CUX1: variants seen among roughly 807,000 people sequenced by gnomAD.
CUX1 encodes protein CASP.
Under a neutral mutation model 158.8 loss-of-function variants are expected in CUX1, and 31 were observed. The ratio of observed to expected loss-of-function variants is 0.20; its 90% CI spans 0.15 to 0.26. The LOEUF (loss-of-function observed/expected upper bound fraction) is 0.26, where lower values mean the gene tolerates loss of function less well. Ranked by LOEUF, CUX1 falls within the 10% of genes least tolerant of loss-of-function variation. The probability of loss-of-function intolerance (pLI) is 1.00; values close to 1 mark genes in which losing one functional copy is unlikely to be tolerated. For missense variants in CUX1, 1,589 were observed against 2,014.6 expected, an observed-to-expected ratio of 0.79 and a Z score of 4.04; for synonymous variants, 879 against 862.1, an observed-to-expected ratio of 1.02 and a Z score of -0.34.
chr7:102,074,920 G>A (rs1428037030), intron 4 of CUX1, among the ~76,000 whole-genome samples: 1 of 152,186 alleles, frequency 6.6e-6, no homozygotes, highest in African/African-American at 2.4e-5. Flanking sequence ...GTGCAATGGT[G>A]TGATCTCCGC....
chr7:101,929,650 G>A (rs1477056173), intron 2 of CUX1, among the ~76,000 whole-genome samples: 1 of 152,120 alleles, frequency 6.6e-6, no homozygotes, highest in Non-Finnish European at 1.5e-5. Context: ...TAGGAGTCAG[G>A]CATTATGCTA....
intron 4 of CUX1, among the ~76,000 whole-genome samples, chr7:102,078,958 C>G (rs2130714507): frequency 6.6e-6 from 1 of 152,336 alleles, no homozygotes; most frequent in Non-Finnish European, 1.5e-5. Flanking sequence ...GGAATGTCAT[C>G]ATTTTTGAGA....
intron 2 of CUX1, among the ~76,000 whole-genome samples, chr7:101,956,502 G>T (rs899913755): frequency 6.6e-6 from 1 of 152,146 alleles, no homozygotes; most frequent in Non-Finnish European, 1.5e-5. Flanking sequence ...TGGAGTCAAC[G>T]TTTCCTTCAG....
chr7:101,954,080 A>C (rs775226918), intron 2 of CUX1, among the ~76,000 whole-genome samples: 4 of 152,162 alleles, frequency 2.6e-5, no homozygotes, highest in Non-Finnish European at 5.9e-5. Context: ...AGTCCCAGCT[A>C]CTCAGGAGGC....
At chr7:102,059,006 G>C (rs1824467396) in intron 3 of CUX1, among the ~76,000 whole-genome samples, 1 of 152,222 alleles carries the variant, frequency 6.6e-6, no homozygotes, top group South Asian at 2.1e-4. Flanking sequence ...CCTCTGAAGA[G>C]CCTGCTGCAG....
chr7:101,986,582 G>C (rs1814329489), intron 2 of CUX1, among the ~76,000 whole-genome samples: 1 of 152,184 alleles, frequency 6.6e-6, no homozygotes, highest in African/African-American at 2.4e-5. Context: ...GAGTGACAGA[G>C]CCTCTGTAAA....
chr7:101,826,386 G>A (rs1279412447), intron 1 of CUX1, among the ~76,000 whole-genome samples: 2 of 151,108 alleles, frequency 1.3e-5, no homozygotes, highest in Non-Finnish European at 1.5e-5. Context: ...TTTTTTTTTA[G>A]AGACAGGGTT....
intron 3 of CUX1, among the ~76,000 whole-genome samples, chr7:102,030,065 GCAAT>G (rs1360233325): frequency 6.6e-6 from 1 of 151,238 alleles, no homozygotes; most frequent in Non-Finnish European, 1.5e-5. Flanking sequence ...AGGCTGGAGT[GCAAT>G]GGCACAATCT....
At chr7:102,150,780 T>G (rs1554503369) in intron 8 of CUX1, among the ~76,000 whole-genome samples, 1 of 152,234 alleles carries the variant, frequency 6.6e-6, no homozygotes, top group Non-Finnish European at 1.5e-5. Context: ...TGAAATGATC[T>G]GTGGTGAACT....
chr7:102,039,976 A>AGTGG (rs1158035750), intron 3 of CUX1, among the ~76,000 whole-genome samples: 1 of 151,858 alleles, frequency 6.6e-6, no homozygotes, highest in Non-Finnish European at 1.5e-5. Context: ...CGCGCTGGCC[A>AGTGG]CGTTCAGAGC....
chr7:101,948,957 C>A (rs955655088), intron 2 of CUX1, among the ~76,000 whole-genome samples: 3 of 152,176 alleles, frequency 2.0e-5, no homozygotes, highest in Admixed American at 1.3e-4. Context: ...ACAAGATAAG[C>A]ACAGAAGTTC....
chr7:101,984,077 C>CCAAAAAA (rs1185648555), intron 2 of CUX1, among the ~76,000 whole-genome samples: 2 of 16,766 alleles, frequency 1.2e-4, no homozygotes, highest in African/African-American at 6.2e-4. Context: ...TGTCCCCCCC[C>CCAAAAAA]AAAAAAAAAA....
chr7:102,090,562 GTATT>G (rs1211071829), intron 4 of CUX1, among the ~76,000 whole-genome samples: 4 of 151,670 alleles, frequency 2.6e-5, no homozygotes, highest in African/African-American at 9.7e-5. Context: ...TAATATTTCT[GTATT>G]TTCAGTAGAA....
At chr7:101,987,603 C>A (rs904700962) in intron 2 of CUX1, among the ~76,000 whole-genome samples, 1 of 152,260 alleles carries the variant, frequency 6.6e-6, no homozygotes, top group African/African-American at 2.4e-5. Context: ...AGCCTGCTGA[C>A]TCACCGCCTG....
chr7:102,255,070 T>C lies in CUX1; in HGVS notation c.*6028T>C. 1 of 985,406 alleles carries C rather than the reference T, an allele frequency of 1.0e-6. No individual in the cohort carries two copies. Among genetic ancestry groups the C allele is most frequent in the Non-Finnish European group, 1.2e-6 (1 of 830,000 alleles). 61.0% of individuals were successfully genotyped at this position (985,406 alleles called of 1,614,324 possible). On this transcript the variant is annotated 3_prime_UTR_variant, in exon 24 of 24. Coordinates refer to ENST00000292535, the MANE Select transcript of CUX1 (RefSeq NM_181552.4). The stretch of plus-strand genomic sequence containing the variant: ...AGCGTAAAACAAGCCCCAGCCCTAC[T>C]CCCGGCCCCCCAGCCCAGTCTTCCC...
At position 101,817,793 on chromosome 7, in the gene CUX1, A is replaced by T. The variant is rs1584625956; in HGVS notation, c.30+124A>T. The T allele has an allele frequency of 8.4e-7, 1 of 1,191,098 alleles. No individual in the cohort carries two copies. Among genetic ancestry groups the T allele is most frequent in the East Asian group, 2.8e-5 (1 of 35,372 alleles). 73.8% of individuals were successfully genotyped at this position (1,191,098 alleles called of 1,614,324 possible). A position where few individuals can be genotyped will look rare whatever the true frequency, so the allele number is the denominator to read the frequency against. On this transcript the variant is annotated intron_variant, in intron 1 of 23. Coordinates refer to ENST00000292535, the MANE Select transcript of CUX1 (RefSeq NM_181552.4). The surrounding 1 kb of genome is among the most constrained non-coding windows in gnomAD (Gnocchi z 4.1). Reference sequence around the variant, plus strand: ...GCGGCCTGGTGCTCTGGGAGGGGATAGGAGGGTTCCTCAGGGCCCCTGGGG... The same window carrying T: ...GCGGCCTGGTGCTCTGGGAGGGGATTGGAGGGTTCCTCAGGGCCCCTGGGG...
intron 2 of CUX1, among the ~76,000 whole-genome samples, chr7:101,981,217 C>A (rs550587573): frequency 1.3e-5 from 2 of 152,034 alleles, no homozygotes; most frequent in South Asian, 2.1e-4. Flanking sequence ...CCTATACACA[C>A]GCCTCACTTT....
chr7:102,104,496 G>A (rs782653027), intron 6 of CUX1, 37 bp downstream of exon 6: 4 of 1,603,276 alleles, frequency 2.5e-6, no homozygotes, highest in African/African-American at 2.7e-5. Flanking sequence ...GACTGACATA[G>A]CATTTGCCCC....
intron 8 of CUX1, among the ~76,000 whole-genome samples, chr7:102,149,760 C>T (rs1554503082): frequency 6.6e-6 from 1 of 152,192 alleles, no homozygotes; most frequent in Non-Finnish European, 1.5e-5. Flanking sequence ...TCCCCCACCC[C>T]TTGCCCAACT....
Sources: gnomAD v4.1 joint callset for allele counts (sites outside exome capture counted in the v4.1 genomes callset) on GRCh38, gnomAD v4.1.1 for gene constraint, Gnocchi (gnomAD v3.1) non-coding constraint, MANE v1.5 for transcripts, NCBI Gene and HGNC (gene_info 2026-07-23, HGNC 2026-07-21) for gene names.